The following PGR variants were observed in gnomAD, a reference collection of about 807,000 sequenced individuals.
PGR encodes progesterone receptor.
Under a neutral mutation model 76.1 loss-of-function variants are expected in PGR, and 25 were observed. That is an observed-to-expected ratio of 0.33 (90% CI 0.24 to 0.46). The LOEUF (loss-of-function observed/expected upper bound fraction) is 0.46, where lower values mean the gene tolerates loss of function less well. PGR is among the 20% of genes least tolerant of loss of function. PGR has a pLI of 1.00. For missense variants in PGR, 1,172 were observed against 1,225.3 expected (o/e 0.96, Z 0.65); for synonymous variants, 579 against 535.0 (o/e 1.08, Z -1.14).
intron 3 of PGR, among the ~76,000 whole-genome samples, chr11:101,067,418 T>C (rs897297254): frequency 4.0e-5 from 6 of 151,746 alleles, no homozygotes; most frequent in Non-Finnish European, 7.4e-5. Context: ...ACCAGAGAAA[T>C]GCAAAGTAAG....
intron 2 of PGR, among the ~76,000 whole-genome samples, chr11:101,105,180 A>G (rs11224591): frequency 0.019 from 2,947 of 152,314 alleles, 76 homozygotes; most frequent in African/African-American, 0.068. Context: ...CTTGAAGGCC[A>G]CTGTAAGAAA....
chr11:101,085,514 C>T (rs1392063773), intron 3 of PGR, among the ~76,000 whole-genome samples: 11 of 114,386 alleles, frequency 9.6e-5, no homozygotes, highest in Non-Finnish European at 1.7e-4. Flanking sequence ...TAACATCACA[C>T]CTAGAGGAAC....
intron 3 of PGR, among the ~76,000 whole-genome samples, chr11:101,075,636 AAAAC>A (rs1861096530): frequency 6.6e-6 from 1 of 151,408 alleles, no homozygotes; most frequent in Non-Finnish European, 1.5e-5. Flanking sequence ...AAAAAAACAA[AAAAC>A]AACCCCATCA....
chr11:101,034,402 C>CA lies in PGR; in HGVS notation c.*4713dup, dbSNP rs565892452. ...ATGAGGTCAACTCCAAGGAGGAGAA[C>CA]AAACCCCTTGGTGTTTTTCTTTGCT... On this transcript the variant is annotated 3_prime_UTR_variant, in exon 8 of 8. Transcript: ENST00000325455. The CA allele has an allele frequency of 2.5e-3, 513 of 201,266 alleles. 4 individuals carry two copies. Among genetic ancestry groups the CA allele is most frequent in the African/African-American group, 0.011 (461 of 43,636 alleles). 12.5% of individuals were successfully genotyped at this position (201,266 alleles called of 1,614,324 possible).
chr11:101,031,905 T>C lies in PGR; in HGVS notation c.*7211A>G, dbSNP rs1591359349. 1.7e-5 allele frequency: 4 copies of C among 230,894 alleles called. No homozygotes were observed. The East Asian group carries it at 2.5e-4, about 14-fold the overall frequency. 14.3% of individuals were successfully genotyped at this position (230,894 alleles called of 1,614,324 possible). A position where few individuals can be genotyped will look rare whatever the true frequency, so the allele number is the denominator to read the frequency against. On this transcript the variant is annotated 3_prime_UTR_variant, in exon 8 of 8. Coordinates refer to ENST00000325455, the MANE Select transcript of PGR (RefSeq NM_000926.4). ...GGTTCAGCACAACTCAGTTCCTCTT[T>C]CTCATTTTCTGAAACTTGAACTGCT... is the stretch of plus-strand genomic sequence containing the variant.
intron 4 of PGR, among the ~76,000 whole-genome samples, chr11:101,055,993 A>T (rs1423085766): frequency 2.0e-5 from 3 of 152,204 alleles, no homozygotes; most frequent in Admixed American, 6.5e-5. Context: ...TACAGTGCTT[A>T]TCTGTGATAA....
intron 2 of PGR, among the ~76,000 whole-genome samples, chr11:101,094,145 A>T (rs1591408720): frequency 6.6e-6 from 1 of 152,224 alleles, no homozygotes; most frequent in East Asian, 1.9e-4. Context: ...CACCAAAAAA[A>T]GGAACCCTAG....
rs1054040208 is a variant in PGR, at chr11:101,038,609, C to A, written c.*507G>T. 4 of 229,340 alleles carry A rather than the reference C, an allele frequency of 1.7e-5. No homozygotes were observed. Among genetic ancestry groups the A allele is most frequent in the African/African-American group, 2.2e-5 (1 of 45,128 alleles). 14.2% of individuals were successfully genotyped at this position (229,340 alleles called of 1,614,324 possible). On this transcript the variant is annotated 3_prime_UTR_variant, in exon 8 of 8. Transcript: ENST00000325455. Reference sequence around the variant, plus strand: ...TTCTACATTTTTTGCATTAAAAATACTTTTGAAAATCTGAGGAAAGTTATG... The same window carrying A: ...TTCTACATTTTTTGCATTAAAAATAATTTTGAAAATCTGAGGAAAGTTATG...
intron 3 of PGR, among the ~76,000 whole-genome samples, chr11:101,070,916 C>T (rs1425696418): frequency 6.6e-6 from 1 of 152,232 alleles, no homozygotes; most frequent in East Asian, 1.9e-4. Context: ...TTAAACGTTC[C>T]TGCCTGCTGG....
At chr11:101,039,956 C>T (rs1223728254) in intron 7 of PGR, among the ~76,000 whole-genome samples, 4 of 151,972 alleles carry the variant, frequency 2.6e-5, no homozygotes, top group Admixed American at 1.3e-4. Flanking sequence ...AAATGAAGCT[C>T]TCTTATACTA....
intron 4 of PGR, among the ~76,000 whole-genome samples, chr11:101,052,028 A>T (rs1175857867): frequency 1.3e-5 from 2 of 152,160 alleles, no homozygotes; most frequent in East Asian, 3.9e-4. Flanking sequence ...ACTTTCTAGA[A>T]AAAAAGAGAG....
Position 101,113,314 on chromosome 11 carries a change from T to C in PGR, c.1789+12693A>G, listed in dbSNP as rs550900938. On this transcript the variant is annotated intron_variant, in intron 2 of 7. Transcript: ENST00000325455. ...TCTTGCTCTGTCACCCAGGCTGGAG[T>C]GCAGTGGTGTGATCTCCACTCACTG... 4.0e-5 allele frequency among the ~76,000 whole-genome samples: 6 copies of C among 151,732 alleles called. No individual in the cohort carries two copies. The South Asian group carries it at 1.3e-3, about 32-fold the overall frequency.
chr11:101,047,298 G>A (rs1859922653), intron 6 of PGR, among the ~76,000 whole-genome samples: 1 of 152,154 alleles, frequency 6.6e-6, no homozygotes, highest in Admixed American at 6.6e-5. Flanking sequence ...ATATAAGCCA[G>A]TTTGGAAGAT....
rs1003828025 is a variant in PGR at position 101,033,533 on chromosome 11, A to T, written c.*5583T>A. 6 of 192,260 alleles carry T rather than the reference A, an allele frequency of 3.1e-5. No homozygotes were observed. The highest frequency in any genetic ancestry group is 6.5e-5 in the Non-Finnish European group (6 of 91,976). 11.9% of individuals were successfully genotyped at this position (192,260 alleles called of 1,614,324 possible). A position where few individuals can be genotyped will look rare whatever the true frequency, so the allele number is the denominator to read the frequency against. ...TTATACTATCAAGTTAAGGCTGCAC[A>T]AAATATATCAAATCTGTGTGGATAT... On this transcript the variant is annotated 3_prime_UTR_variant, in exon 8 of 8. Transcript: ENST00000325455.
intron 2 of PGR, among the ~76,000 whole-genome samples, chr11:101,101,680 G>T (rs1282938334): frequency 6.6e-6 from 1 of 152,160 alleles, no homozygotes; most frequent in Non-Finnish European, 1.5e-5. Flanking sequence ...TGTAGATCCA[G>T]ATATGAGAAT....
intron 6 of PGR, among the ~76,000 whole-genome samples, chr11:101,043,859 A>G (rs893230639): frequency 1.3e-5 from 2 of 152,198 alleles, no homozygotes; most frequent in African/African-American, 2.4e-5. Context: ...AAACCATGCC[A>G]TAAATAGATG....
intron 3 of PGR, among the ~76,000 whole-genome samples, chr11:101,084,330 A>G (rs1389525127): frequency 6.6e-6 from 1 of 152,158 alleles, no homozygotes; most frequent in Non-Finnish European, 1.5e-5. Flanking sequence ...TTATAGCAGC[A>G]CAAGAATGGA....
intron 2 of PGR, among the ~76,000 whole-genome samples, chr11:101,110,920 T>G (rs1320339021): frequency 6.6e-6 from 1 of 152,198 alleles, no homozygotes; most frequent in Non-Finnish European, 1.5e-5. Flanking sequence ...TACAACTCCC[T>G]TAAGGCTCAT....
intron 3 of PGR, chr11:101,063,572 T>A (rs1860592577): frequency 6.6e-6 from 1 of 152,164 alleles, no homozygotes; most frequent in Non-Finnish European, 1.5e-5. Flanking sequence ...TGAGGAGAAT[T>A]AGAGAAAGTT....
Sources: gnomAD v4.1 joint callset for allele counts (sites outside exome capture counted in the v4.1 genomes callset) on GRCh38, gnomAD v4.1.1 for gene constraint, MANE v1.5 for transcripts, NCBI Gene and HGNC (gene_info 2026-07-23, HGNC 2026-07-21) for gene names.